The following SEPTIN10 variants were observed in gnomAD, a reference collection of about 807,000 sequenced individuals.
The protein encoded by SEPTIN10 is septin 10, also known as septin-10.
A neutral mutation model predicts 54.8 loss-of-function variants in SEPTIN10; 66 were observed. That is an observed-to-expected ratio of 1.21 (90% CI 0.99 to 1.48). The LOEUF is 1.48. Among genes scored for constraint, SEPTIN10 ranks in the 40% most tolerant of loss-of-function variants. SEPTIN10 has a pLI of 0.00. For missense variants in SEPTIN10, 620 were observed against 545.6 expected, an observed-to-expected ratio of 1.14 and a Z score of -1.36; for synonymous variants, 161 against 181.0, an observed-to-expected ratio of 0.89 and a Z score of 0.89.
At chr2:109,604,777 T>C (rs1192127177) in intron 1 of SEPTIN10, 3 of 152,124 alleles carry the variant, frequency 2.0e-5, no homozygotes, top group Non-Finnish European at 2.9e-5. Flanking sequence ...GGTACAAATA[T>C]AACTGGTATG....
At position 109,593,058 on chromosome 2, in the gene SEPTIN10, T is replaced by A. The variant is rs774633021; in HGVS notation, c.92A>T (p.Glu31Val). 3.1e-6 allele frequency: 5 copies of A among 1,593,600 alleles called. No individual in the cohort carries two copies. The South Asian group carries it at 5.8e-5, about 18-fold the overall frequency. ...TTTAAAAGACATACTCACTATCTGT[T>A]CATCATCTGATCCTTGTGAAGACAT... ...TCMSSQGSDD[E>V]QIKRENIRSL... is the part of the protein sequence containing the mutation. Residue 31 changes from glutamate (E) to valine (V), a missense_variant, in exon 2 of 11, where the codon GAA becomes GTA. Transcript: ENST00000397712.
chr2:109,600,878 A>G (rs1389743026), intron 1 of SEPTIN10, among the ~76,000 whole-genome samples: 1 of 152,192 alleles, frequency 6.6e-6, no homozygotes, highest in Non-Finnish European at 1.5e-5. Flanking sequence ...CATTTGCTCC[A>G]TTTACCAGTT....
chr2:109,556,480 A>G lies in SEPTIN10; in HGVS notation c.1029-3261T>C, dbSNP rs557674114. Among the ~76,000 whole-genome samples the G allele has an allele frequency of 3.3e-5, 5 of 152,338 alleles. No individual in the cohort carries two copies. The East Asian group carries it at 9.7e-4, about 29-fold the overall frequency. ...CTACACAACAGCTACCAAGGCTGAG[A>G]GGTGAGTTTGAGGCATGTACAGGAG... On this transcript the variant is annotated intron_variant, in intron 8 of 10. Transcript: ENST00000397712.
intron 4 of SEPTIN10, among the ~76,000 whole-genome samples, chr2:109,575,692 C>T (rs28463150): frequency 0.045 from 6,864 of 152,248 alleles, 540 homozygotes; most frequent in African/African-American, 0.15. Context: ...TCTGGGTTTC[C>T]AAGTGAAAAT....
intron 9 of SEPTIN10, among the ~76,000 whole-genome samples, chr2:109,550,357 G>A (rs1334673829): frequency 1.1e-4 from 16 of 151,048 alleles, no homozygotes; most frequent in Non-Finnish European, 4.4e-5. Context: ...CTGTTGCCCA[G>A]GCTGGAGTGC....
chr2:109,608,580 G>A (rs1388241342), intron 1 of SEPTIN10, among the ~76,000 whole-genome samples: 2 of 152,308 alleles, frequency 1.3e-5, no homozygotes, highest in East Asian at 3.9e-4. Context: ...ACAGACCAGG[G>A]AGCCTGACCA....
chr2:109,564,327 ACTTCCTCTTTGGTTGG>A (rs772346952), intron 8 of SEPTIN10, 23 bp downstream of exon 8: 17 of 1,477,522 alleles, frequency 1.2e-5, no homozygotes, highest in Non-Finnish European at 1.5e-5. Context: ...ATCCTCTCTA[ACTTCCTCTTTGGTTGG>A]CTTCCCAAGA....
intron 5 of SEPTIN10, among the ~76,000 whole-genome samples, chr2:109,569,474 T>C (rs1687862189): frequency 6.6e-6 from 1 of 151,588 alleles, no homozygotes; most frequent in African/African-American, 2.4e-5. Flanking sequence ...TTATAATTCC[T>C]ATTCTAAATT....
chr2:109,567,671 C>A, intron 6 of SEPTIN10, 144 bp downstream of exon 6: 1 of 753,106 alleles, frequency 1.3e-6, no homozygotes. Context: ...TAAACATTTT[C>A]TCATACTGGA....
chr2:109,612,495 T>C (rs1400238105), intron 1 of SEPTIN10, among the ~76,000 whole-genome samples: 1 of 152,224 alleles, frequency 6.6e-6, no homozygotes, highest in African/African-American at 2.4e-5. Context: ...TACTGTATTA[T>C]TTCTTACAAC....
intron 7 of SEPTIN10, 147 bp from the exon 8 acceptor site, chr2:109,564,681 T>C: frequency 1.5e-6 from 1 of 657,784 alleles, no homozygotes; most frequent in Non-Finnish European, 2.3e-6. Context: ...GATTATTTTA[T>C]ACATGTAACC....
At chr2:109,566,058 A>G (rs1221641914) in intron 6 of SEPTIN10, among the ~76,000 whole-genome samples, 199 bp from the exon 7 acceptor site, 1 of 152,138 alleles carries the variant, frequency 6.6e-6, no homozygotes, top group African/African-American at 2.4e-5. Context: ...CCCCATAAAG[A>G]AAAGTATTTA....
At chr2:109,558,638 G>C (rs1433370416) in intron 8 of SEPTIN10, among the ~76,000 whole-genome samples, 3 of 152,112 alleles carry the variant, frequency 2.0e-5, no homozygotes, top group South Asian at 2.1e-4. Context: ...CCTGCGATTG[G>C]TGCTGGTAGA....
At chr2:109,590,579 T>C (rs988570541) in intron 2 of SEPTIN10, among the ~76,000 whole-genome samples, 1 of 152,062 alleles carries the variant, frequency 6.6e-6, no homozygotes, top group Admixed American at 6.5e-5. Context: ...TTATAGGTGC[T>C]TGCCACCACA....
Position 109,585,119 on chromosome 2 carries a change from C to A in SEPTIN10, c.413+7G>T. ...AACTTGTTTTATTACAAGAAGAAAA[C>A]ACATACCTCTCTTCTTTATTTATTT... On this transcript the variant is annotated splice_region_variant and intron_variant, in intron 4 of 10. Transcript: ENST00000397712. 1 of 1,525,822 alleles carries A rather than the reference C, an allele frequency of 6.6e-7. No individual in the cohort carries two copies. Among genetic ancestry groups the A allele is most frequent in the African/African-American group, 1.4e-5 (1 of 71,628 alleles). 94.5% of individuals were successfully genotyped at this position (1,525,822 alleles called of 1,614,324 possible).
rs1334043124 is a variant in SEPTIN10, at chr2:109,607,438, A to G, written c.30+6360T>C. The stretch of plus-strand genomic sequence containing the variant: ...CATTCTCAATGGGGGCAGTACCTGT[A>G]TTATCTCTCCCCCTAAAGAGAGCAG... On this transcript the variant is annotated intron_variant, in intron 1 of 10. Coordinates refer to ENST00000397712, the MANE Select transcript of SEPTIN10 (RefSeq NM_144710.5). Among the ~76,000 whole-genome samples the G allele has an allele frequency of 4.6e-5, 7 of 152,256 alleles. No individual in the cohort carries two copies. In the East Asian group the frequency reaches 1.2e-3, roughly 25 times the overall value.
intron 4 of SEPTIN10, among the ~76,000 whole-genome samples, chr2:109,575,643 A>G (rs1206215610): frequency 6.6e-6 from 1 of 152,230 alleles, no homozygotes; most frequent in Non-Finnish European, 1.5e-5. Context: ...CTGCCTTTGC[A>G]ATTCACTTTT....
At chr2:109,590,289 T>C (rs1043325588) in intron 2 of SEPTIN10, among the ~76,000 whole-genome samples, 1 of 151,944 alleles carries the variant, frequency 6.6e-6, no homozygotes, top group African/African-American at 2.4e-5. Flanking sequence ...GCACACAAAC[T>C]TTCTCCCAGT....
chr2:109,606,111 G>A (rs1191673591), intron 1 of SEPTIN10, among the ~76,000 whole-genome samples: 1 of 152,198 alleles, frequency 6.6e-6, no homozygotes, highest in African/African-American at 2.4e-5. Flanking sequence ...CTCATGGGCT[G>A]GGAGAATAAA....
Sources: gnomAD v4.1 joint callset for allele counts (sites outside exome capture counted in the v4.1 genomes callset) on GRCh38, gnomAD v4.1.1 for gene constraint, MANE v1.5 for transcripts, NCBI Gene and HGNC (gene_info 2026-07-23, HGNC 2026-07-21) for gene names.